The following EIF2B1 variants were observed in gnomAD, a reference collection of about 807,000 sequenced individuals.
The protein encoded by EIF2B1 is translation initiation factor eIF2B subunit alpha.
Under a neutral mutation model 36.8 loss-of-function variants are expected in EIF2B1, and 30 were observed. That is an observed-to-expected ratio of 0.81 (90% CI 0.61 to 1.10). The LOEUF (loss-of-function observed/expected upper bound fraction) is 1.10. EIF2B1 is among the 50% of genes least tolerant of loss of function. The probability of loss-of-function intolerance (pLI) is 0.00; values close to 1 mark genes in which losing one functional copy is unlikely to be tolerated. For missense variants in EIF2B1, 271 were observed against 374.8 expected, an observed-to-expected ratio of 0.72 and a Z score of 2.29; for synonymous variants, 139 against 142.2, an observed-to-expected ratio of 0.98 and a Z score of 0.16.
At position 123,630,601 on chromosome 12, in the gene EIF2B1, C is replaced by T. The variant is rs1955180561; in HGVS notation, c.116-68G>A. ...ACAGCCCCGACCTGTATCTTCAATT[C>T]ATTCATTCATTCAGTGAATATTTAC... is the stretch of plus-strand genomic sequence containing the variant. On this transcript the variant is annotated intron_variant, in intron 2 of 8. Transcript: ENST00000424014. The surrounding 1 kb of genome is among the most constrained non-coding windows in gnomAD (Gnocchi z 4.6). 3.2e-6 allele frequency: 5 copies of T among 1,579,556 alleles called. No individual in the cohort carries two copies. The highest frequency in any genetic ancestry group is 4.3e-6 in the Non-Finnish European group (5 of 1,159,620).
intron 4 of EIF2B1, among the ~76,000 whole-genome samples, chr12:123,629,082 A>G (rs575476744): frequency 8.3e-4 from 126 of 152,114 alleles, no homozygotes; most frequent in Non-Finnish European, 1.4e-3. Flanking sequence ...TTTCACTCAC[A>G]TCTATTATGC....
chr12:123,624,973 T>C lies in EIF2B1; in HGVS notation c.552-111A>G, dbSNP rs981488866. Reference sequence around the variant, plus strand: ...TATCAAGGTAAGTTCCTCCCATAACTACCTGTTTTTTTTAAAGCGCACTTA... The same window carrying C: ...TATCAAGGTAAGTTCCTCCCATAACCACCTGTTTTTTTTAAAGCGCACTTA... On this transcript the variant is annotated intron_variant, in intron 6 of 8. Coordinates refer to ENST00000424014, the MANE Select transcript of EIF2B1 (RefSeq NM_001414.4). 2.0e-5 allele frequency: 20 copies of C among 1,011,818 alleles called. No homozygotes were observed. In the African/African-American group the frequency reaches 2.6e-4, roughly 13 times the overall value. 62.7% of individuals were successfully genotyped at this position (1,011,818 alleles called of 1,614,324 possible). A position where few individuals can be genotyped will look rare whatever the true frequency, so the allele number is the denominator to read the frequency against.
intron 4 of EIF2B1, 33 bp from the exon 5 acceptor site, chr12:123,627,189 G>T: frequency 1.9e-6 from 3 of 1,547,902 alleles, no homozygotes; most frequent in African/African-American, 1.4e-5. Context: ...CAAAGGGGCA[G>T]GCTCCTTGCT....
chr12:123,622,355 G>A (rs1182878482), intron 8 of EIF2B1, among the ~76,000 whole-genome samples: 1 of 152,240 alleles, frequency 6.6e-6, no homozygotes, highest in East Asian at 1.9e-4. Flanking sequence ...CAGTTTGTAA[G>A]TTGTGGTGAT....
chr12:123,627,231 G>T, intron 4 of EIF2B1, 75 bp from the exon 5 acceptor site: 1 of 1,114,244 alleles, frequency 9.0e-7, no homozygotes, highest in Non-Finnish European at 1.4e-6. Context: ...TGCGGCACGT[G>T]TTCCCGACAC....
intron 7 of EIF2B1, among the ~76,000 whole-genome samples, chr12:123,623,349 G>A (rs1238120593): frequency 1.3e-5 from 2 of 152,060 alleles, no homozygotes; most frequent in Non-Finnish European, 1.5e-5. Flanking sequence ...CTGTGCCATT[G>A]CACTCCAGCC....
At chr12:123,626,689 C>G (rs2135763358) in intron 5 of EIF2B1, 196 bp from the exon 6 acceptor site, 1 of 681,850 alleles carries the variant, frequency 1.5e-6, no homozygotes, top group Non-Finnish European at 2.6e-6. Flanking sequence ...GAAAACTATA[C>G]TCTTAGACTC....
intron 2 of EIF2B1, among the ~76,000 whole-genome samples, chr12:123,631,608 A>T (rs767101319): frequency 6.6e-6 from 1 of 151,980 alleles, no homozygotes; most frequent in Non-Finnish European, 1.5e-5. Context: ...GGAGATCGAG[A>T]CCATTCTGGC....
Position 123,622,639 on chromosome 12 carries a change from A to G in EIF2B1, c.750T>C (p.Phe250=), listed in dbSNP as rs1243901984. 1 of 1,614,000 alleles carries G rather than the reference A, an allele frequency of 6.2e-7. No individual in the cohort carries two copies. The highest frequency in any genetic ancestry group is 8.5e-7 in the Non-Finnish European group (1 of 1,179,938). Residue 250 remains phenylalanine, a synonymous_variant, in exon 8 of 9, where the codon TTT becomes TTC. Coordinates refer to ENST00000424014, the MANE Select transcript of EIF2B1 (RefSeq NM_001414.4). ...PLNQQDVPDK[F]KYKADTLKVA... Reference sequence around the variant, plus strand: ...TTCAAATATGTAAAACTCTTGCCTTAAACTTATCTGGGACGTCTTGCTGGT... The same window carrying G: ...TTCAAATATGTAAAACTCTTGCCTTGAACTTATCTGGGACGTCTTGCTGGT...
At chr12:123,623,587 G>A (rs994974825) in intron 7 of EIF2B1, among the ~76,000 whole-genome samples, 8 of 151,764 alleles carry the variant, frequency 5.3e-5, no homozygotes, top group East Asian at 2.0e-4. Flanking sequence ...ATTCTCCTGC[G>A]TCAGCCTGCC....
chr12:123,628,535 T>C (rs1430464079), intron 4 of EIF2B1, among the ~76,000 whole-genome samples: 1 of 151,916 alleles, frequency 6.6e-6, no homozygotes. Flanking sequence ...GCTAACTTTT[T>C]GTATTTTTAG....
intron 8 of EIF2B1, among the ~76,000 whole-genome samples, chr12:123,622,414 C>T (rs148662674): frequency 1.2e-3 from 190 of 152,300 alleles, no homozygotes; most frequent in African/African-American, 4.3e-3. Context: ...CCACCAGCTT[C>T]GGGCTTCCTC....
Position 123,633,665 on chromosome 12 carries a change from C to T in EIF2B1, c.-108G>A, listed in dbSNP as rs1319187787. 7 of 1,538,658 alleles carry T rather than the reference C, an allele frequency of 4.5e-6. No individual in the cohort carries two copies. The highest frequency in any genetic ancestry group is 5.3e-6 in the Non-Finnish European group (6 of 1,125,810). On this transcript the variant is annotated 5_prime_UTR_variant, in exon 1 of 9. Transcript: ENST00000424014. ...GCCAGTCTGACAGCGCGCTGCACAC[C>T]TCCGCACCCCACTTCCGGCGCACTT... is the stretch of plus-strand genomic sequence containing the variant.
At position 123,621,300 on chromosome 12, in the gene EIF2B1, C is replaced by T. The variant is rs1397509436; in HGVS notation, c.*456G>A. 4.3e-5 allele frequency: 11 copies of T among 258,628 alleles called. No homozygotes were observed. Among genetic ancestry groups the T allele is most frequent in the Non-Finnish European group, 7.6e-5 (10 of 130,934 alleles). 16.0% of individuals were successfully genotyped at this position (258,628 alleles called of 1,614,324 possible). ...TACCACTGGAAGCCAGATGCAGATT[C>T]AGCAAGTGTTTCTTGCCTCTTACAA... On this transcript the variant is annotated 3_prime_UTR_variant, in exon 9 of 9. Coordinates refer to ENST00000424014, the MANE Select transcript of EIF2B1 (RefSeq NM_001414.4).
At chr12:123,628,990 A>T (rs1167276566) in intron 4 of EIF2B1, among the ~76,000 whole-genome samples, 1 of 151,384 alleles carries the variant, frequency 6.6e-6, no homozygotes, top group African/African-American at 2.5e-5. Flanking sequence ...CTGTGGAAGG[A>T]GAAGGCCCCA....
chr12:123,630,596 C>G lies in EIF2B1; in HGVS notation c.116-63G>C. 1 of 1,597,324 alleles carries G rather than the reference C, an allele frequency of 6.3e-7. No individual in the cohort carries two copies. Among genetic ancestry groups the G allele is most frequent in the Non-Finnish European group, 8.5e-7 (1 of 1,173,998 alleles). On this transcript the variant is annotated intron_variant, in intron 2 of 8. Transcript: ENST00000424014. This position sits in a 1 kb window ranked among gnomAD's most constrained non-coding sequence, Gnocchi z 4.6. ...GGGCCACAGCCCCGACCTGTATCTTCAATTCATTCATTCATTCAGTGAATA... is the reference window on the plus strand; with the variant it reads ...GGGCCACAGCCCCGACCTGTATCTTGAATTCATTCATTCATTCAGTGAATA...
intron 4 of EIF2B1, among the ~76,000 whole-genome samples, chr12:123,629,083 T>G (rs982418217): frequency 1.3e-5 from 2 of 152,082 alleles, no homozygotes; most frequent in South Asian, 2.1e-4. Flanking sequence ...TTCACTCACA[T>G]CTATTATGCC....
At chr12:123,627,276 C>G (rs1227982782) in intron 4 of EIF2B1, 120 bp from the exon 5 acceptor site, 1 of 831,090 alleles carries the variant, frequency 1.2e-6, no homozygotes, top group Non-Finnish European at 2.0e-6. Flanking sequence ...CACAAATCAA[C>G]CACAACCAGA....
In EIF2B1 at chr12:123,621,643, A is replaced by G. The variant is rs964453125; in HGVS notation, c.*113T>C. 3 of 1,379,648 alleles carry G rather than the reference A, an allele frequency of 2.2e-6. No individual in the cohort carries two copies. The African/African-American group carries it at 4.3e-5, about 20-fold the overall frequency. The allele number at this position is 1,379,648 out of a possible 1,614,324, so 85.5% of individuals were successfully genotyped here. A position where few individuals can be genotyped will look rare whatever the true frequency, so the allele number is the denominator to read the frequency against. Reference sequence around the variant, plus strand: ...ATGTATGATTTTAAGTCCTTACTCCATAAATCTTCATTAAACACATCTCAG... The same window carrying G: ...ATGTATGATTTTAAGTCCTTACTCCGTAAATCTTCATTAAACACATCTCAG... On this transcript the variant is annotated 3_prime_UTR_variant, in exon 9 of 9. Transcript: ENST00000424014.
Sources: gnomAD v4.1 joint callset for allele counts (sites outside exome capture counted in the v4.1 genomes callset) on GRCh38, gnomAD v4.1.1 for gene constraint, Gnocchi (gnomAD v3.1) non-coding constraint, MANE v1.5 for transcripts, NCBI Gene and HGNC (gene_info 2026-07-23, HGNC 2026-07-21) for gene names.